The following ZNF41 variants were observed in gnomAD, a reference collection of about 807,000 sequenced individuals.
The protein encoded by ZNF41 is zinc finger protein 41.
In ZNF41, 6 loss-of-function variants were observed where a neutral mutation model predicts 9.3. That is an observed-to-expected ratio of 0.65 (90% CI 0.35 to 1.28). ZNF41 has a LOEUF of 1.28. Among genes scored for constraint, ZNF41 ranks in the 50% most tolerant of loss-of-function variants. The pLI, the probability that ZNF41 is intolerant of heterozygous loss-of-function variation, is 0.03. For missense variants in ZNF41, 523 were observed against 585.8 expected, an observed-to-expected ratio of 0.89 and a Z score of 1.11; for synonymous variants, 192 against 207.1, an observed-to-expected ratio of 0.93 and a Z score of 0.63.
In ZNF41 at chrX:47,449,290, T is replaced by C; in HGVS notation, c.480A>G (p.Val160=). ...NQNNLLSHVK[V]LIKERGYEHK... is the part of the protein sequence containing the mutation. ...GTTCATAGCCCCTCTCCTTAATCAA[T>C]ACTTTCACATGACTTAAAAGGTTAT... The change falls in exon 5 of 5, where the codon GTA becomes GTG. Residue 160 remains valine (V), a synonymous_variant. Transcript: ENST00000684689. The C allele has an allele frequency of 8.3e-7, 1 of 1,211,355 alleles. No homozygotes were observed. Among genetic ancestry groups the C allele is most frequent in the Non-Finnish European group, 1.1e-6 (1 of 895,218 alleles).
At chrX:47,449,714 TAACCCTATGAGGTAGCTA>T (rs1410248567) in intron 4 of ZNF41, among the ~76,000 whole-genome samples, 1 of 112,451 alleles carries the variant, frequency 8.9e-6, no homozygotes, top group Admixed American at 9.4e-5. Context: ...CTCATTTAAC[TAACCCTATGAGGTAGCTA>T]AACCCTATGA....
Sources: allele counts gnomAD v4.1 joint callset (sites outside exome capture counted in the v4.1 genomes callset), GRCh38; gene constraint gnomAD v4.1.1; transcripts MANE v1.5; gene names NCBI Gene and HGNC (gene_info 2026-07-23, HGNC 2026-07-21).